Variants in ERVW-1 observed in about 807,000 individuals in gnomAD.
ERVW-1 encodes the protein syncytin-1.
In ERVW-1, 21 loss-of-function variants were observed where a neutral mutation model predicts 16.6. The observed-to-expected ratio is 1.26, with a 90% CI of 0.90 to 1.82. ERVW-1 has a LOEUF of 1.82. Among genes scored for constraint, ERVW-1 ranks in the 40% most tolerant of loss-of-function variants. ERVW-1 has a pLI of 0.00. For synonymous variants in ERVW-1, 161 were observed against 109.8 expected (o/e 1.47, Z -2.92); for missense variants, 412 against 300.2 (o/e 1.37, Z -2.75).
intron 1 of ERVW-1, chr7:92,472,295 A>T (rs1193541402): frequency 6.6e-6 from 1 of 152,214 alleles, no homozygotes; most frequent in Non-Finnish European, 1.5e-5. Flanking sequence ...TGAGTATGCC[A>T]TTCACATCAT....
intron 1 of ERVW-1, among the ~76,000 whole-genome samples, chr7:92,475,818 T>G (rs1790519088): frequency 6.6e-6 from 1 of 152,194 alleles, no homozygotes; most frequent in African/African-American, 2.4e-5. Flanking sequence ...TCAAGATGCA[T>G]TCCCATAAAC....
In ERVW-1 at chr7:92,470,537, A is replaced by G. The variant is rs1003167722; in HGVS notation, c.-156T>C. The G allele has an allele frequency of 5.4e-6, 3 of 557,170 alleles. No individual in the cohort carries two copies. Among genetic ancestry groups the G allele is most frequent in the Non-Finnish European group, 9.6e-6 (3 of 313,698 alleles). 34.5% of individuals were successfully genotyped at this position (557,170 alleles called of 1,614,324 possible). On this transcript the variant is annotated 5_prime_UTR_variant, in exon 2 of 2. Coordinates refer to ENST00000603053, the MANE Select transcript of ERVW-1 (RefSeq NM_001130925.2). ...TTGACTCAAGTGTGATGTATCCAAG[A>G]CTCCACTCCAGCCACTTTAACCGCA...
rs548511339 is a variant in ERVW-1 at position 92,477,529 on chromosome 7, T to G, written c.-375A>C. ...CCTCGTATTCTCTGACCTGGAGTTC[T>G]TGGCCTCACGGATTCCAAGGAATGG... On this transcript the variant is annotated 5_prime_UTR_variant, in exon 1 of 2. Transcript: ENST00000603053. 1 of 152,882 alleles carries G rather than the reference T, an allele frequency of 6.5e-6. No individual in the cohort carries two copies. The allele number at this position is 152,882 out of a possible 1,614,324, so 9.5% of individuals were successfully genotyped here. A position where few individuals can be genotyped will look rare whatever the true frequency, so the allele number is the denominator to read the frequency against.
chr7:92,471,006 C>G (rs1296858740), intron 1 of ERVW-1: 1 of 167,088 alleles, frequency 6.0e-6, no homozygotes, highest in Non-Finnish European at 1.5e-5. Context: ...ATATCGTATA[C>G]CTAACGCCTG....
intron 1 of ERVW-1, among the ~76,000 whole-genome samples, chr7:92,473,946 C>T (rs536208915): frequency 1.3e-5 from 2 of 152,242 alleles, no homozygotes; most frequent in South Asian, 4.1e-4. Flanking sequence ...TCCCCTGGGG[C>T]AGTGGGCCTT....
Position 92,470,099 on chromosome 7 carries a change from T to A in ERVW-1, c.283A>T (p.Ser95Cys). Residue 95 changes from serine to cysteine, a missense_variant, in exon 2 of 2, where the codon AGT becomes TGT. Ser to Cys is a moderately radical substitution (Grantham distance 112). Coordinates refer to ENST00000603053, the MANE Select transcript of ERVW-1 (RefSeq NM_001130925.2). ...HYWTGKMINP[S>C]CPGGLGVTVC... is the part of the protein sequence containing the mutation. ...GTGACTCCAAGTCCTCCAGGACAAC[T>A]AGGATTAATCATTTTTCCTGTCCAA... is the stretch of plus-strand genomic sequence containing the variant. 2 of 778,808 alleles carry A rather than the reference T, an allele frequency of 2.6e-6. No individual in the cohort carries two copies. The highest frequency in any genetic ancestry group is 4.8e-6 in the Non-Finnish European group (2 of 417,942). The allele number at this position is 778,808 out of a possible 1,614,324, so 48.2% of individuals were successfully genotyped here.
chr7:92,469,142 C>G lies in ERVW-1; in HGVS notation c.1240G>C (p.Val414Leu), dbSNP rs369882969. The G allele has an allele frequency of 1.5e-6, 1 of 664,216 alleles. No individual in the cohort carries two copies. The highest frequency in any genetic ancestry group is 2.1e-5 in the Admixed American group (1 of 47,766). The allele number at this position is 664,216 out of a possible 1,614,324, so 41.1% of individuals were successfully genotyped here. A position where few individuals can be genotyped will look rare whatever the true frequency, so the allele number is the denominator to read the frequency against. Residue 414 changes from valine to leucine, a missense_variant, in exon 2 of 2, where the codon GTC becomes CTC. Coordinates refer to ENST00000603053, the MANE Select transcript of ERVW-1 (RefSeq NM_001130925.2). ...CGAATTTCTTTAACTTTCTCAGTGA[C>G]GATTCCGGATTGATTAACATAATAA... ...CCYYVNQSGI[V>L]TEKVKEIRDR...
chr7:92,472,402 A>G (rs1362837094), intron 1 of ERVW-1: 1 of 152,254 alleles, frequency 6.6e-6, no homozygotes, highest in Non-Finnish European at 1.5e-5. Flanking sequence ...CAATGAGGTC[A>G]ACCCTTTGCC....
chr7:92,476,219 A>G (rs1790537569), intron 1 of ERVW-1, among the ~76,000 whole-genome samples: 1 of 152,226 alleles, frequency 6.6e-6, no homozygotes, highest in African/African-American at 2.4e-5. Context: ...ATACTTTAAG[A>G]TTTTTGAGTT....
chr7:92,475,585 C>T (rs1350163028), intron 1 of ERVW-1, among the ~76,000 whole-genome samples: 1 of 151,956 alleles, frequency 6.6e-6, no homozygotes, highest in Non-Finnish European at 1.5e-5. Context: ...AGTTCCTTTC[C>T]AGGGTGCGTA....
At position 92,470,057 on chromosome 7, in the gene ERVW-1, A is replaced by G; in HGVS notation, c.325T>C (p.Phe109Leu). The G allele has an allele frequency of 1.3e-6, 1 of 778,846 alleles. No homozygotes were observed. Among genetic ancestry groups the G allele is most frequent in the Non-Finnish European group, 2.4e-6 (1 of 417,944 alleles). 48.2% of individuals were successfully genotyped at this position (778,846 alleles called of 1,614,324 possible). Residue 109 changes from phenylalanine to leucine, a missense_variant, in exon 2 of 2, where the codon TTC (phenylalanine) becomes CTC (leucine). Coordinates refer to ENST00000603053, the MANE Select transcript of ERVW-1 (RefSeq NM_001130925.2). ...CCATCAGACATACCAGTTTGGGTGAAGTAAGTCCAACAGACAGTGACTCCA... is the reference window on the plus strand; with the variant it reads ...CCATCAGACATACCAGTTTGGGTGAGGTAAGTCCAACAGACAGTGACTCCA... ...GLGVTVCWTY[F>L]TQTGMSDGGG...
chr7:92,476,670 CTCTT>C (rs1307055976), intron 1 of ERVW-1, among the ~76,000 whole-genome samples: 9 of 152,004 alleles, frequency 5.9e-5, no homozygotes, highest in Non-Finnish European at 1.0e-4. Flanking sequence ...CTGTCTCTCT[CTCTT>C]TCTCCTCCAT....
rs1304796515 is a variant in ERVW-1 at position 92,468,738 on chromosome 7, T to C, written c.*27A>G. Reference sequence around the variant, plus strand: ...CATCTCAACAGGAAAACCTAAGTGCTGTTGGGGAGGTTGGCCGACGACCGC... The same window carrying C: ...CATCTCAACAGGAAAACCTAAGTGCCGTTGGGGAGGTTGGCCGACGACCGC... On this transcript the variant is annotated 3_prime_UTR_variant, in exon 2 of 2. Coordinates refer to ENST00000603053, the MANE Select transcript of ERVW-1 (RefSeq NM_001130925.2). The C allele has an allele frequency of 1.4e-6, 1 of 694,164 alleles. No individual in the cohort carries two copies. 43.0% of individuals were successfully genotyped at this position (694,164 alleles called of 1,614,324 possible).
intron 1 of ERVW-1, among the ~76,000 whole-genome samples, chr7:92,474,103 C>T (rs1313766022): frequency 6.6e-6 from 1 of 152,090 alleles, no homozygotes; most frequent in Non-Finnish European, 1.5e-5. Context: ...TTTCCAGAGC[C>T]TCCAAAGTCC....
intron 1 of ERVW-1, among the ~76,000 whole-genome samples, chr7:92,475,988 T>G (rs1790527159): frequency 6.6e-6 from 1 of 152,218 alleles, no homozygotes; most frequent in African/African-American, 2.4e-5. Context: ...TAACTCTGCT[T>G]CCACAAGAGT....
chr7:92,477,088 T>C (rs1790573934), intron 1 of ERVW-1, among the ~76,000 whole-genome samples: 1 of 152,206 alleles, frequency 6.6e-6, no homozygotes. Context: ...GGCTACACCA[T>C]GATCTCAACC....
intron 1 of ERVW-1, chr7:92,472,759 G>A (rs1790396326): frequency 1.3e-5 from 2 of 152,230 alleles, no homozygotes; most frequent in Non-Finnish European, 2.9e-5. Context: ...GCCAGTATAG[G>A]CTGGATGTGT....
In ERVW-1 at chr7:92,469,433, T is replaced by A; in HGVS notation, c.949A>T (p.Arg317Ter). The A allele has an allele frequency of 1.3e-6, 1 of 771,590 alleles. No homozygotes were observed. Among genetic ancestry groups the A allele is most frequent in the Non-Finnish European group, 2.4e-6 (1 of 415,442 alleles). The allele number at this position is 771,590 out of a possible 1,614,324, so 47.8% of individuals were successfully genotyped here. The part of the protein sequence containing the change: ...SYVISKPRNK[R>*]VPILPFVIGA... ...ATAACAAAAGGAAGAATGGGTACTCTTTTGTTGCGGGGCTTAGATATGACA... is the reference window on the plus strand; with the variant it reads ...ATAACAAAAGGAAGAATGGGTACTCATTTGTTGCGGGGCTTAGATATGACA... The change falls in exon 2 of 2, where the codon AGA becomes TGA. Residue 317 changes from arginine (R) to a stop codon, truncating the protein, a stop_gained. Coordinates refer to ENST00000603053, the MANE Select transcript of ERVW-1 (RefSeq NM_001130925.2). LOFTEE classifies it high-confidence loss of function.
chr7:92,472,298 C>T (rs1203142376), intron 1 of ERVW-1: 4 of 152,178 alleles, frequency 2.6e-5, no homozygotes, highest in African/African-American at 9.7e-5. Context: ...GTATGCCATT[C>T]ACATCATGAG....
Sources: gnomAD v4.1 joint callset for allele counts (sites outside exome capture counted in the v4.1 genomes callset) on GRCh38, gnomAD v4.1.1 for gene constraint, MANE v1.5 for transcripts, NCBI Gene and HGNC (gene_info 2026-07-23, HGNC 2026-07-21) for gene names.